Variants in LRRTM3 observed in about 807,000 individuals in gnomAD.
LRRTM3 encodes leucine-rich repeat transmembrane neuronal protein 3.
LRRTM3 carries 24 observed loss-of-function variants against 44.7 expected under a neutral mutation model. The observed-to-expected ratio is 0.54, with a 90% CI of 0.39 to 0.76. The LOEUF is 0.76. Among genes scored for constraint, LRRTM3 ranks in the 30% least tolerant of loss-of-function variants. The pLI is 0.00. For missense variants in LRRTM3, 587 were observed against 702.2 expected (o/e 0.84, Z 1.85); for synonymous variants, 277 against 278.7 (o/e 0.99, Z 0.06).
chr10:66,936,310 T>C (rs927281199), intron 2 of LRRTM3, among the ~76,000 whole-genome samples: 1 of 151,908 alleles, frequency 6.6e-6, no homozygotes, highest in South Asian at 2.1e-4. Flanking sequence ...ATTATACGTT[T>C]CTTAATGTTA....
chr10:67,064,832 G>A (rs1855970943), intron 2 of LRRTM3, among the ~76,000 whole-genome samples: 1 of 152,168 alleles, frequency 6.6e-6, no homozygotes, highest in African/African-American at 2.4e-5. Context: ...TTTTCAGTCA[G>A]AGGGACAGAT....
chr10:67,023,487 G>A (rs964192482), intron 2 of LRRTM3, among the ~76,000 whole-genome samples: 1 of 152,088 alleles, frequency 6.6e-6, no homozygotes, highest in African/African-American at 2.4e-5. Flanking sequence ...TACCCCTAGA[G>A]CTGATTATTT....
chr10:66,971,748 C>G (rs534417364), intron 2 of LRRTM3, among the ~76,000 whole-genome samples: 4 of 152,068 alleles, frequency 2.6e-5, no homozygotes, highest in Non-Finnish European at 5.9e-5. Flanking sequence ...TAGTGCCCAA[C>G]AAAGAGAAAA....
intron 2 of LRRTM3, among the ~76,000 whole-genome samples, chr10:66,996,854 T>C (rs1352009751): frequency 6.6e-6 from 1 of 152,094 alleles, no homozygotes; most frequent in East Asian, 1.9e-4. Flanking sequence ...AACAATTCCA[T>C]GTGAACTAAC....
chr10:67,001,346 T>C (rs957527430), intron 2 of LRRTM3, among the ~76,000 whole-genome samples: 4 of 143,518 alleles, frequency 2.8e-5, no homozygotes, highest in African/African-American at 7.7e-5. Flanking sequence ...AATAAACTAA[T>C]AATAAAATCA....
chr10:66,960,957 C>A (rs941022981), intron 2 of LRRTM3, among the ~76,000 whole-genome samples: 2 of 151,996 alleles, frequency 1.3e-5, no homozygotes, highest in Non-Finnish European at 2.9e-5. Context: ...CACAAGGGAT[C>A]CTTTCTGAGA....
At chr10:67,036,254 G>T (rs1415006245) in intron 2 of LRRTM3, among the ~76,000 whole-genome samples, 1 of 151,814 alleles carries the variant, frequency 6.6e-6, no homozygotes, top group African/African-American at 2.4e-5. Context: ...CTGGGCTCAA[G>T]AGATCCTCCA....
intron 2 of LRRTM3, among the ~76,000 whole-genome samples, chr10:66,965,053 T>C (rs1181542078): frequency 6.6e-6 from 1 of 152,190 alleles, no homozygotes; most frequent in African/African-American, 2.4e-5. Flanking sequence ...ATTTCCTTCC[T>C]AAAACTTCCT....
intron 2 of LRRTM3, among the ~76,000 whole-genome samples, chr10:67,005,911 C>T (rs1851958552): frequency 2.0e-5 from 3 of 151,820 alleles, no homozygotes; most frequent in Admixed American, 1.3e-4. Flanking sequence ...GTCTCAAACT[C>T]CTGTTCTCAG....
chr10:66,999,377 GA>G (rs1468379844), intron 2 of LRRTM3, among the ~76,000 whole-genome samples: 1 of 152,036 alleles, frequency 6.6e-6, no homozygotes, highest in East Asian at 1.9e-4. Context: ...TGGGATTCCT[GA>G]AAAAAATATA....
chr10:67,027,436 C>T (rs376823773), intron 2 of LRRTM3, among the ~76,000 whole-genome samples: 6 of 134,348 alleles, frequency 4.5e-5, no homozygotes, highest in South Asian at 4.7e-4. Context: ...TCTTTCATGA[C>T]TTTTTTTTTT....
At chr10:66,981,269 A>C (rs1382130330) in intron 2 of LRRTM3, among the ~76,000 whole-genome samples, 6 of 152,220 alleles carry the variant, frequency 3.9e-5, no homozygotes, top group Non-Finnish European at 7.3e-5. Context: ...CATCCTAAAA[A>C]TGAATGATTA....
chr10:67,069,484 T>G (rs1856303158), intron 2 of LRRTM3, among the ~76,000 whole-genome samples: 1 of 152,112 alleles, frequency 6.6e-6, no homozygotes, highest in South Asian at 2.1e-4. Context: ...ATGGTGAATA[T>G]TCATAAACTG....
At chr10:67,086,149 A>G (rs1360963453) in intron 2 of LRRTM3, among the ~76,000 whole-genome samples, 1 of 152,038 alleles carries the variant, frequency 6.6e-6, no homozygotes, top group Non-Finnish European at 1.5e-5. Context: ...AAGGGGTGGA[A>G]GAAACAGTAT....
rs181421442 is a variant in LRRTM3 at position 66,991,494 on chromosome 10, C to T, written c.1536+63042C>T. 3.4e-4 allele frequency among the ~76,000 whole-genome samples: 52 copies of T among 152,204 alleles called. 2 individuals are homozygous for T. The East Asian group carries it at 9.1e-3, about 27-fold the overall frequency. The stretch of plus-strand genomic sequence containing the variant: ...AGTAATTTAAAAGGGTATATTTAAA[C>T]ATTATAAAGTACACTAACAAATAAA... On this transcript the variant is annotated intron_variant, in intron 2 of 2. Coordinates refer to ENST00000361320, the MANE Select transcript of LRRTM3 (RefSeq NM_178011.5).
Position 66,927,277 on chromosome 10 carries a change from A to C in LRRTM3, c.361A>C (p.Ile121Leu). 3 of 1,614,088 alleles carry C rather than the reference A, an allele frequency of 1.9e-6. No individual in the cohort carries two copies. In the South Asian group the frequency reaches 3.3e-5, roughly 18 times the overall value. ...LKELILSSNR[I>L]SYFLNNTFRP... ...AGAGCTGATTCTTAGTTCCAATAGA[A>C]TCTCCTATTTTCTTAACAATACCTT... The change falls in exon 2 of 3, where the codon ATC becomes CTC. Residue 121 changes from isoleucine (I) to leucine (L), a missense_variant. Physicochemically the swap from Ile to Leu is conservative, Grantham distance 5. Coordinates refer to ENST00000361320, the MANE Select transcript of LRRTM3 (RefSeq NM_178011.5). This position sits in a 1 kb window ranked among gnomAD's most constrained non-coding sequence, Gnocchi z 4.7.
intron 2 of LRRTM3, among the ~76,000 whole-genome samples, chr10:66,946,167 G>T (rs915708705): frequency 3.9e-5 from 6 of 152,074 alleles, no homozygotes; most frequent in African/African-American, 1.4e-4. Context: ...GCAATAAAAT[G>T]CAGTACAATA....
At chr10:67,004,799 A>G (rs908278822) in intron 2 of LRRTM3, among the ~76,000 whole-genome samples, 2 of 152,158 alleles carry the variant, frequency 1.3e-5, no homozygotes, top group African/African-American at 4.8e-5. Context: ...GAACTCTGCA[A>G]GTTTCTTGTT....
intron 2 of LRRTM3, among the ~76,000 whole-genome samples, chr10:66,988,601 G>A (rs1850862226): frequency 6.6e-6 from 1 of 152,060 alleles, no homozygotes; most frequent in South Asian, 2.1e-4. Context: ...TTGTGAAGAA[G>A]CTGATATTTT....
Sources: allele counts gnomAD v4.1 joint callset (sites outside exome capture counted in the v4.1 genomes callset), GRCh38; gene constraint gnomAD v4.1.1; non-coding constraint Gnocchi (gnomAD v3.1); transcripts MANE v1.5; gene names NCBI Gene and HGNC (gene_info 2026-07-23, HGNC 2026-07-21).